PAK1: variants seen among roughly 807,000 people sequenced by gnomAD.
PAK1 encodes serine/threonine-protein kinase PAK 1.
A neutral mutation model predicts 67.4 loss-of-function variants in PAK1; 29 were observed. That is an observed-to-expected ratio of 0.43 (90% CI 0.32 to 0.59). The LOEUF (loss-of-function observed/expected upper bound fraction) is 0.59, where lower values mean the gene tolerates loss of function less well. PAK1 is among the 20% of genes least tolerant of loss of function. The pLI, the probability that PAK1 is intolerant of heterozygous loss-of-function variation, is 0.07. For missense variants in PAK1, 337 were observed against 670.7 expected (o/e 0.50, Z 5.50); for synonymous variants, 223 against 237.4 (o/e 0.94, Z 0.56).
chr11:77,333,348 C>A (rs963526202), intron 13 of PAK1, among the ~76,000 whole-genome samples: 4 of 151,978 alleles, frequency 2.6e-5, no homozygotes, highest in Admixed American at 1.3e-4. Context: ...CAGGCACCAG[C>A]CACTACACCC....
intron 1 of PAK1, among the ~76,000 whole-genome samples, chr11:77,425,156 A>C (rs969557322): frequency 5.9e-5 from 9 of 152,126 alleles, no homozygotes; most frequent in Non-Finnish European, 1.3e-4. Flanking sequence ...GTCCTTTATA[A>C]ACTCAAAAGT....
At chr11:77,475,589 C>A (rs1357360149), upstream of PAK1, 2 of 152,190 alleles carry the variant, frequency 1.3e-5, no homozygotes, top group African/African-American at 4.8e-5. Flanking sequence ...ATACACATTT[C>A]TTCATGTCTT....
chr11:77,417,592 T>C (rs1193842599), intron 1 of PAK1, among the ~76,000 whole-genome samples: 1 of 152,190 alleles, frequency 6.6e-6, no homozygotes, highest in East Asian at 1.9e-4. Context: ...TACAGAACTA[T>C]ACAACCCAAA....
the PAK1 span, among the ~76,000 whole-genome samples, chr11:77,480,439 G>T: frequency 6.6e-6 from 1 of 150,524 alleles, no homozygotes; most frequent in South Asian, 2.1e-4. Flanking sequence ...TTTATTAAAG[G>T]TGTTTAATAT....
At position 77,374,313 on chromosome 11, in the gene PAK1, T is replaced by G; in HGVS notation, c.477+15A>C. The G allele has an allele frequency of 6.5e-7, 1 of 1,548,914 alleles. No individual in the cohort carries two copies. Among genetic ancestry groups the G allele is most frequent in the Non-Finnish European group, 8.9e-7 (1 of 1,121,146 alleles). The stretch of plus-strand genomic sequence containing the variant: ...CACATCTGCCCACATCAAAATAGAG[T>G]AAATAAAGACTTACCAAGGCATTAG... On this transcript the variant is annotated intron_variant, in intron 5 of 14. Coordinates refer to ENST00000356341, the MANE Select transcript of PAK1 (RefSeq NM_002576.5).
chr11:77,325,496 T>A, intron 14 of PAK1: 1 of 1,030,306 alleles, frequency 9.7e-7, no homozygotes, highest in South Asian at 1.7e-5. Flanking sequence ...AGATTCAATA[T>A]AACCCATTTA....
intron 1 of PAK1, among the ~76,000 whole-genome samples, chr11:77,431,958 C>G (rs1955880996): frequency 6.6e-6 from 1 of 152,182 alleles, no homozygotes. Flanking sequence ...ACACAAGGTA[C>G]TGTCTTTATC....
At chr11:77,522,345 T>C in the PAK1 span, among the ~76,000 whole-genome samples, 1 of 152,054 alleles carries the variant, frequency 6.6e-6, no homozygotes, top group East Asian at 1.9e-4. Context: ...TAGACAAGGG[T>C]GTGAGATCAG....
At chr11:77,424,999 C>T (rs1955473800) in intron 1 of PAK1, among the ~76,000 whole-genome samples, 1 of 152,160 alleles carries the variant, frequency 6.6e-6, no homozygotes, top group Non-Finnish European at 1.5e-5. Context: ...AAAAACATTA[C>T]ATATCTTTGG....
chr11:77,376,616 A>T (rs1198791908), intron 4 of PAK1, among the ~76,000 whole-genome samples: 1 of 151,850 alleles, frequency 6.6e-6, no homozygotes, highest in Non-Finnish European at 1.5e-5. Flanking sequence ...ATGCACCTGT[A>T]GTCCCAGCTA....
chr11:77,455,457 G>C (rs946343449), intron 1 of PAK1, among the ~76,000 whole-genome samples: 23 of 152,198 alleles, frequency 1.5e-4, no homozygotes, highest in African/African-American at 5.1e-4. Flanking sequence ...AACTGCAGCA[G>C]AGGCAGCATA....
chr11:77,390,541 G>A (rs1015042693), intron 2 of PAK1, among the ~76,000 whole-genome samples: 1 of 151,434 alleles, frequency 6.6e-6, no homozygotes, highest in Non-Finnish European at 1.5e-5. Flanking sequence ...CTGTCACCCA[G>A]GCTGGAGTGC....
At chr11:77,461,297 T>A (rs1387292857) in intron 1 of PAK1, among the ~76,000 whole-genome samples, 5 of 152,216 alleles carry the variant, frequency 3.3e-5, no homozygotes, top group Non-Finnish European at 5.9e-5. Context: ...AGTCCCCAGT[T>A]ATTCAATTAA....
intron 2 of PAK1, among the ~76,000 whole-genome samples, chr11:77,390,871 C>T (rs1333832873): frequency 1.3e-5 from 2 of 152,128 alleles, no homozygotes; most frequent in Admixed American, 6.5e-5. Flanking sequence ...ATACACATAA[C>T]GATATAAGCC....
the PAK1 span, among the ~76,000 whole-genome samples, chr11:77,499,771 A>C: frequency 6.6e-6 from 1 of 152,184 alleles, no homozygotes; most frequent in East Asian, 1.9e-4. Context: ...CTCCCTAAGC[A>C]CTGAGTTGGT....
chr11:77,401,890 CAAGGGA>C (rs907586593), intron 1 of PAK1, among the ~76,000 whole-genome samples: 7 of 152,148 alleles, frequency 4.6e-5, no homozygotes, highest in African/African-American at 1.7e-4. Context: ...ATGAATAACT[CAAGGGA>C]AAAAACTGAA....
intron 1 of PAK1, among the ~76,000 whole-genome samples, chr11:77,420,587 AAGCATCCATC>A (rs1955206352): frequency 6.6e-6 from 1 of 152,178 alleles, no homozygotes; most frequent in African/African-American, 2.4e-5. Context: ...CAGCCCCCAC[AAGCATCCATC>A]AGCAAATTGT....
intron 1 of PAK1, among the ~76,000 whole-genome samples, chr11:77,439,603 TCTAGAGAAAAAAAAATA>T (rs1956270649): frequency 1.3e-5 from 2 of 152,114 alleles, no homozygotes; most frequent in African/African-American, 4.8e-5. Context: ...TTAGCAGACT[TCTAGAGAAAAAAAAATA>T]CCCAAGGACT....
At chr11:77,455,701 A>C (rs956634405) in intron 1 of PAK1, among the ~76,000 whole-genome samples, 1 of 152,222 alleles carries the variant, frequency 6.6e-6, no homozygotes, top group African/African-American at 2.4e-5. Context: ...AAGAGCCATG[A>C]CAAATAAGAT....
Sources: gnomAD v4.1 joint callset for allele counts (sites outside exome capture counted in the v4.1 genomes callset) on GRCh38, gnomAD v4.1.1 for gene constraint, MANE v1.5 for transcripts, NCBI Gene and HGNC (gene_info 2026-07-23, HGNC 2026-07-21) for gene names.